The following ZMYM2 variants were observed in gnomAD, a reference collection of about 807,000 sequenced individuals.
ZMYM2 encodes zinc finger MYM-type containing 2, also known as zinc finger MYM-type protein 2.
In ZMYM2, 56 loss-of-function variants were observed where a neutral mutation model predicts 162.8. The observed-to-expected ratio is 0.34, with a 90% confidence interval of 0.28 to 0.43. The LOEUF (loss-of-function observed/expected upper bound fraction) is 0.43. Among genes scored for constraint, ZMYM2 ranks in the 20% least tolerant of loss-of-function variants. The probability of loss-of-function intolerance (pLI) is 1.00; values close to 1 mark genes in which losing one functional copy is unlikely to be tolerated. For missense variants in ZMYM2, 1,275 were observed against 1,621.8 expected (o/e 0.79, Z 3.67); for synonymous variants, 510 against 541.6 (o/e 0.94, Z 0.81).
chr13:19,906,523 C>T, the ZMYM2 span, among the ~76,000 whole-genome samples: 7 of 91,622 alleles, frequency 7.6e-5, no homozygotes, highest in East Asian at 2.8e-4. Context: ...ATATATCACA[C>T]ATATATATAT....
chr13:20,003,308 T>C (rs576810858), intron 4 of ZMYM2, among the ~76,000 whole-genome samples, 173 bp downstream of exon 4: 1 of 152,342 alleles, frequency 6.6e-6, no homozygotes, highest in Non-Finnish European at 1.5e-5. Flanking sequence ...AGATAGGTCC[T>C]TATAATTAAT....
the ZMYM2 span, among the ~76,000 whole-genome samples, chr13:19,932,402 C>T: frequency 1.3e-5 from 2 of 152,012 alleles, no homozygotes; most frequent in Admixed American, 1.3e-4. Context: ...AATCCCAGCA[C>T]TTTGGGAGGC....
the ZMYM2 span, among the ~76,000 whole-genome samples, chr13:19,917,362 G>A: frequency 0.016 from 2,392 of 152,150 alleles, 103 homozygotes; most frequent in Admixed American, 0.11. Flanking sequence ...GCAGAGGTGG[G>A]TGGATCACCT....
At chr13:19,967,627 A>G (rs981139837) in intron 2 of ZMYM2, among the ~76,000 whole-genome samples, 6 of 152,210 alleles carry the variant, frequency 3.9e-5, no homozygotes, top group Admixed American at 1.3e-4. Context: ...ATTAAAAACA[A>G]TTTTGCTCCA....
intron 6 of ZMYM2, among the ~76,000 whole-genome samples, chr13:20,019,137 A>G (rs938579156): frequency 1.3e-5 from 2 of 151,834 alleles, no homozygotes; most frequent in African/African-American, 4.8e-5. Flanking sequence ...TCCATTTTGC[A>G]TATGGTGGAA....
At chr13:19,905,716 C>A in the ZMYM2 span, among the ~76,000 whole-genome samples, 1 of 152,194 alleles carries the variant, frequency 6.6e-6, no homozygotes, top group Non-Finnish European at 1.5e-5. Flanking sequence ...TTCTGACCTA[C>A]CTTGCTGTTT....
chr13:20,030,012 C>T (rs1034195044), intron 9 of ZMYM2, among the ~76,000 whole-genome samples: 1 of 151,768 alleles, frequency 6.6e-6, no homozygotes, highest in African/African-American at 2.4e-5. Flanking sequence ...CCAGGCTGGT[C>T]TCGAACTCCT....
At chr13:19,907,761 C>CAAAA in the ZMYM2 span, among the ~76,000 whole-genome samples, 12,222 of 39,084 alleles carry the variant, frequency 0.31, 4,863 homozygotes, top group Non-Finnish European at 0.37. Context: ...GACTCTGTCT[C>CAAAA]AAAAAAAAAA....
chr13:19,893,205 G>C, the ZMYM2 span, among the ~76,000 whole-genome samples: 5 of 150,922 alleles, frequency 3.3e-5, no homozygotes, highest in Admixed American at 2.0e-4. Flanking sequence ...GGCCGAGGTG[G>C]GCCGATCATG....
intron 21 of ZMYM2, among the ~76,000 whole-genome samples, chr13:20,073,996 A>G (rs1957283813): frequency 6.6e-6 from 1 of 152,090 alleles, no homozygotes; most frequent in Admixed American, 6.5e-5. Context: ...GAAACTCTGT[A>G]CTCATTAAAT....
chr13:19,865,054 T>G, the ZMYM2 span: 7 of 152,262 alleles, frequency 4.6e-5, no homozygotes, highest in East Asian at 1.9e-4. Context: ...AAAAACACAT[T>G]GAGCCCCGTT....
the ZMYM2 span, among the ~76,000 whole-genome samples, chr13:19,925,119 G>C: frequency 6.6e-6 from 1 of 152,088 alleles, no homozygotes; most frequent in African/African-American, 2.4e-5. Flanking sequence ...CCCAACCTCA[G>C]GTGATCTGCC....
chr13:20,051,338 C>A, intron 12 of ZMYM2, 95 bp from the exon 13 acceptor site: 1 of 1,245,240 alleles, frequency 8.0e-7, no homozygotes, highest in Non-Finnish European at 1.1e-6. Flanking sequence ...CTGTATCAGT[C>A]ACGGTTTTAT....
At chr13:19,947,670 G>GCTAGGCTAGA in the ZMYM2 span, among the ~76,000 whole-genome samples, 1 of 151,602 alleles carries the variant, frequency 6.6e-6, no homozygotes, top group Non-Finnish European at 1.5e-5. Flanking sequence ...TGTTGGCTAG[G>GCTAGGCTAGA]CTAGGCTAGG....
rs939549671 is a variant in ZMYM2 at position 20,031,257 on chromosome 13, T to G, written c.1852-62T>G. 6 of 1,142,804 alleles carry G rather than the reference T, an allele frequency of 5.3e-6. No homozygotes were observed. In the South Asian group the frequency reaches 5.8e-5, roughly 11 times the overall value. The allele number at this position is 1,142,804 out of a possible 1,614,324, so 70.8% of individuals were successfully genotyped here. On this transcript the variant is annotated intron_variant, in intron 9 of 24. Coordinates refer to ENST00000610343, the MANE Select transcript of ZMYM2 (RefSeq NM_197968.4). ...TCTGGACATCGTAGATATATGACAGTAATCACAAATAGAAATTCAAACATA... is the reference window on the plus strand; with the variant it reads ...TCTGGACATCGTAGATATATGACAGGAATCACAAATAGAAATTCAAACATA...
the ZMYM2 span, among the ~76,000 whole-genome samples, chr13:19,903,222 G>T: frequency 6.6e-6 from 1 of 151,898 alleles, no homozygotes; most frequent in African/African-American, 2.4e-5. Flanking sequence ...GTTCCCAACT[G>T]CTCAGGAGGC....
intron 2 of ZMYM2, among the ~76,000 whole-genome samples, chr13:19,986,609 G>T (rs1949166014): frequency 6.6e-6 from 1 of 151,928 alleles, no homozygotes; most frequent in Non-Finnish European, 1.5e-5. Context: ...ATTACAGAAA[G>T]TTTTAAAAAT....
chr13:20,073,953 C>A (rs950960831), intron 21 of ZMYM2, among the ~76,000 whole-genome samples: 1 of 152,134 alleles, frequency 6.6e-6, no homozygotes, highest in African/African-American at 2.4e-5. Flanking sequence ...GCATCACCAT[C>A]TATCTCTAGA....
At chr13:20,079,489 C>T (rs1957770304) in intron 21 of ZMYM2, among the ~76,000 whole-genome samples, 1 of 151,940 alleles carries the variant, frequency 6.6e-6, no homozygotes, top group Non-Finnish European at 1.5e-5. Flanking sequence ...CCTGAAACCA[C>T]ACACAGGATT....
Sources: allele counts gnomAD v4.1 joint callset (sites outside exome capture counted in the v4.1 genomes callset), GRCh38; gene constraint gnomAD v4.1.1; transcripts MANE v1.5; gene names NCBI Gene and HGNC (gene_info 2026-07-23, HGNC 2026-07-21).